APP: variants seen among roughly 807,000 people sequenced by gnomAD.
APP encodes amyloid-beta precursor protein.
APP carries 31 observed loss-of-function variants against 101.4 expected under a neutral mutation model. The ratio of observed to expected loss-of-function variants is 0.31; its 90% CI spans 0.23 to 0.41. The LOEUF is 0.41. APP is among the 10% of genes least tolerant of loss of function. The pLI is 1.00. For missense variants in APP, 839 were observed against 1,003.7 expected (o/e 0.84, Z 2.22); for synonymous variants, 366 against 364.4 (o/e 1.00, Z -0.05).
intron 3 of APP, among the ~76,000 whole-genome samples, chr21:26,087,842 G>A (rs1478536501): frequency 6.6e-6 from 1 of 152,152 alleles, no homozygotes; most frequent in East Asian, 1.9e-4. Flanking sequence ...TCCCTAAATG[G>A]TGCATAATGC....
intron 13 of APP, among the ~76,000 whole-genome samples, chr21:25,932,203 A>T (rs890146416): frequency 1.3e-5 from 2 of 152,266 alleles, no homozygotes; most frequent in African/African-American, 4.8e-5. Context: ...TGAGATAATA[A>T]TAAAATGCAA....
chr21:25,933,158 A>G (rs6516713), intron 13 of APP, among the ~76,000 whole-genome samples: 37,314 of 152,090 alleles, frequency 0.25, 7,730 homozygotes, highest in African/African-American at 0.57. Context: ...GAGTGCAGTG[A>G]TGTGATCATA....
In APP at chr21:25,998,249, A is replaced by T. The variant is rs150716231; in HGVS notation, c.1034-833T>A. Among the ~76,000 whole-genome samples, 563 of 152,318 alleles carry T rather than the reference A, an allele frequency of 3.7e-3. 6 individuals are homozygous for T. Among genetic ancestry groups the T allele is most frequent in the African/African-American group, 0.013 (534 of 41,576 alleles). ...CGGCTAAACCAGTGAGAATCACTGT[A>T]ACAAAAGGCCTTTGTTCCAAAGGCT... On this transcript the variant is annotated intron_variant, in intron 7 of 17. Transcript: ENST00000346798.
chr21:26,094,272 T>G (rs2061893193), intron 2 of APP, among the ~76,000 whole-genome samples: 1 of 152,180 alleles, frequency 6.6e-6, no homozygotes, highest in Non-Finnish European at 1.5e-5. Context: ...AATGCAATTT[T>G]GCTGTTCCAA....
At chr21:26,054,463 A>C (rs2045956948) in intron 3 of APP, among the ~76,000 whole-genome samples, 1 of 152,170 alleles carries the variant, frequency 6.6e-6, no homozygotes, top group Admixed American at 6.5e-5. Flanking sequence ...AAGAACCAGC[A>C]AGGCATATTT....
chr21:25,886,872 G>T (rs2037361591), intron 17 of APP, among the ~76,000 whole-genome samples: 1 of 152,034 alleles, frequency 6.6e-6, no homozygotes, highest in Non-Finnish European at 1.5e-5. Flanking sequence ...TATCCTGGTG[G>T]GTCAGCTTCT....
At chr21:25,894,840 A>G (rs1326352120) in intron 16 of APP, among the ~76,000 whole-genome samples, 4 of 152,248 alleles carry the variant, frequency 2.6e-5, no homozygotes, top group Admixed American at 6.5e-5. Flanking sequence ...TGTGAGCAAA[A>G]TGCTATCAAA....
At chr21:25,888,513 C>G (rs966929963) in intron 17 of APP, among the ~76,000 whole-genome samples, 3 of 152,060 alleles carry the variant, frequency 2.0e-5, no homozygotes, top group Non-Finnish European at 2.9e-5. Context: ...AGGACAGTCA[C>G]AAAGGTCTTG....
intron 1 of APP, among the ~76,000 whole-genome samples, chr21:26,160,069 G>A (rs2063459112): frequency 7.9e-6 from 1 of 126,608 alleles, no homozygotes; most frequent in East Asian, 2.1e-4. Context: ...GGCCACCTCT[G>A]TCCAACAGAC....
chr21:26,142,436 T>C (rs2063066942), intron 1 of APP, among the ~76,000 whole-genome samples: 1 of 152,194 alleles, frequency 6.6e-6, no homozygotes, highest in Non-Finnish European at 1.5e-5. Flanking sequence ...TGCCAGACCA[T>C]TTTAATACCA....
At chr21:25,930,251 A>G (rs1464789302) in intron 13 of APP, among the ~76,000 whole-genome samples, 1 of 152,170 alleles carries the variant, frequency 6.6e-6, no homozygotes, top group Non-Finnish European at 1.5e-5. Flanking sequence ...CCCGTCTCTC[A>G]AGCTCATGAG....
intron 13 of APP, among the ~76,000 whole-genome samples, chr21:25,938,799 T>C (rs1045283631): frequency 1.3e-5 from 2 of 152,118 alleles, no homozygotes; most frequent in African/African-American, 4.8e-5. Flanking sequence ...GGCACAAAAG[T>C]GCAGAAGTCA....
chr21:26,006,356 T>A (rs1195579788), intron 6 of APP, among the ~76,000 whole-genome samples: 2 of 152,204 alleles, frequency 1.3e-5, no homozygotes, highest in African/African-American at 4.8e-5. Context: ...ACAACTCTGC[T>A]CACTCTTCAA....
chr21:26,120,715 T>TA lies in APP; in HGVS notation c.58-8570dup, dbSNP rs549371098. Among the ~76,000 whole-genome samples the TA allele has an allele frequency of 1.9e-3, 294 of 152,204 alleles. 2 individuals are homozygous for TA. Among genetic ancestry groups the TA allele is most frequent in the African/African-American group, 5.4e-3 (226 of 41,530 alleles). On this transcript the variant is annotated intron_variant, in intron 1 of 17. Coordinates refer to ENST00000346798, the MANE Select transcript of APP (RefSeq NM_000484.4). ...ACAATTTGTACAAAGGCATAGTTTT[T>TA]AAAAAAAATTAAACATATTTTGTTT...
chr21:25,982,377 C>T lies in APP; in HGVS notation c.1191G>A (p.Arg397=), dbSNP rs751421017. 7.4e-6 allele frequency: 12 copies of T among 1,613,760 alleles called. No individual in the cohort carries two copies. Among genetic ancestry groups the T allele is most frequent in the African/African-American group, 2.7e-5 (2 of 74,842 alleles). ...TTCTCTCTCGGTGCTTGGCCTCAAG[C>T]CTCTCTTTGGCTTTCTGGAAATGGG... The part of the protein sequence containing the change: ...EHAHFQKAKE[R]LEAKHRERMS... The change falls in exon 9 of 18, where the codon AGG becomes AGA. Residue 397 remains arginine (R), a synonymous_variant. Transcript: ENST00000346798.
chr21:25,969,488 C>A (rs1356168439), intron 11 of APP, among the ~76,000 whole-genome samples: 1 of 151,406 alleles, frequency 6.6e-6, no homozygotes, highest in Non-Finnish European at 1.5e-5. Context: ...ACAAAAATGG[C>A]AAGTAATGCC....
intron 15 of APP, among the ~76,000 whole-genome samples, chr21:25,898,441 A>G (rs372845255): frequency 2.6e-5 from 4 of 152,246 alleles, no homozygotes; most frequent in African/African-American, 9.6e-5. Flanking sequence ...AACCAAAAAC[A>G]TAAGTAAAAA....
At chr21:25,938,679 G>C (rs977208208) in intron 13 of APP, among the ~76,000 whole-genome samples, 1 of 152,126 alleles carries the variant, frequency 6.6e-6, no homozygotes, top group African/African-American at 2.4e-5. Flanking sequence ...TTACACATTA[G>C]GAGACAATGA....
chr21:26,153,093 G>A (rs1461039797), intron 1 of APP, among the ~76,000 whole-genome samples: 2 of 152,114 alleles, frequency 1.3e-5, no homozygotes, highest in Non-Finnish European at 2.9e-5. Flanking sequence ...AACTAAGTTA[G>A]GAATAAGCAA....
Sources: allele counts gnomAD v4.1 joint callset (sites outside exome capture counted in the v4.1 genomes callset), GRCh38; gene constraint gnomAD v4.1.1; transcripts MANE v1.5; gene names NCBI Gene and HGNC (gene_info 2026-07-23, HGNC 2026-07-21).